The following DNAI1 variants were observed in gnomAD, a reference collection of about 807,000 sequenced individuals.
DNAI1 encodes the protein dynein axonemal intermediate chain 1.
In DNAI1, 67 loss-of-function variants were observed where a neutral mutation model predicts 92.0. The ratio of observed to expected loss-of-function variants is 0.73; its 90% CI spans 0.60 to 0.89. The LOEUF is 0.89. Ranked by LOEUF, DNAI1 falls within the 40% of genes least tolerant of loss-of-function variation. DNAI1 has a pLI of 0.00. For synonymous variants in DNAI1, 323 were observed against 319.6 expected (o/e 1.01, Z -0.11); for missense variants, 839 against 866.6 (o/e 0.97, Z 0.40).
chr9:34,513,217 TAGA>T (rs1300176173), intron 16 of DNAI1, 26 bp downstream of exon 16: 13 of 1,592,258 alleles, frequency 8.2e-6, no homozygotes, highest in African/African-American at 1.3e-5. Context: ...GCCAGCTCCT[TAGA>T]AGGCCGCTTA....
At chr9:34,506,409 T>C (rs1394163190) in intron 12 of DNAI1, among the ~76,000 whole-genome samples, 1 of 152,188 alleles carries the variant, frequency 6.6e-6, no homozygotes, top group African/African-American at 2.4e-5. Flanking sequence ...GTCACCTTGA[T>C]TGGTTGTTGG....
intron 10 of DNAI1, among the ~76,000 whole-genome samples, chr9:34,498,411 A>G (rs533365496): frequency 6.6e-6 from 1 of 152,366 alleles, no homozygotes; most frequent in South Asian, 2.1e-4. Flanking sequence ...ACTCGAACAC[A>G]GGCCCCTTGG....
intron 15 of DNAI1, among the ~76,000 whole-genome samples, chr9:34,512,754 T>C (rs1825091591): frequency 6.6e-6 from 1 of 152,244 alleles, no homozygotes; most frequent in South Asian, 2.1e-4. Context: ...CTACCCTGTT[T>C]ATGCAGACTA....
chr9:34,485,543 G>T (rs558874385), intron 4 of DNAI1, 26 bp downstream of exon 4: 2 of 1,607,016 alleles, frequency 1.2e-6, no homozygotes, highest in East Asian at 4.5e-5. Flanking sequence ...CTGGGCAGGG[G>T]CATCTATACC....
intron 13 of DNAI1, among the ~76,000 whole-genome samples, chr9:34,509,595 G>A (rs1286597460): frequency 6.6e-6 from 1 of 152,088 alleles, no homozygotes; most frequent in East Asian, 1.9e-4. Flanking sequence ...AGAGTTTGGG[G>A]CAGAGGAGTA....
At chr9:34,477,171 A>G (rs1404986709) in intron 1 of DNAI1, among the ~76,000 whole-genome samples, 1 of 152,086 alleles carries the variant, frequency 6.6e-6, no homozygotes, top group Non-Finnish European at 1.5e-5. Context: ...ACACACCACC[A>G]CACCCAACTA....
intron 10 of DNAI1, among the ~76,000 whole-genome samples, chr9:34,498,686 G>A (rs1202057968): frequency 6.6e-6 from 1 of 152,176 alleles, no homozygotes; most frequent in African/African-American, 2.4e-5. Context: ...TTTATTTGGA[G>A]CAGCTGCCTT....
At chr9:34,464,528 C>T (rs1207453438) in intron 1 of DNAI1, among the ~76,000 whole-genome samples, 1 of 152,064 alleles carries the variant, frequency 6.6e-6, no homozygotes, top group Non-Finnish European at 1.5e-5. Context: ...CCAATGCCCC[C>T]TGCCCCGTTA....
At chr9:34,511,773 C>T (rs906733005) in intron 13 of DNAI1, among the ~76,000 whole-genome samples, 3 of 152,082 alleles carry the variant, frequency 2.0e-5, no homozygotes, top group Admixed American at 1.3e-4. Context: ...TGGTTGAAGC[C>T]GTAGCCACTG....
intron 12 of DNAI1, among the ~76,000 whole-genome samples, chr9:34,502,656 CAGA>C (rs1490778500): frequency 2.0e-5 from 3 of 152,144 alleles, no homozygotes; most frequent in East Asian, 1.9e-4. Context: ...CTCCCACCAG[CAGA>C]AGACCTTGAG....
intron 14 of DNAI1, 31 bp from the exon 15 acceptor site, chr9:34,512,306 C>G (rs1348640761): frequency 1.9e-6 from 3 of 1,608,628 alleles, no homozygotes; most frequent in Non-Finnish European, 2.6e-6. Flanking sequence ...CACGTGCCCT[C>G]CCCCCCACAT....
intron 7 of DNAI1, 120 bp downstream of exon 7, chr9:34,490,608 C>G (rs1824570186): frequency 2.9e-6 from 4 of 1,384,976 alleles, no homozygotes; most frequent in Non-Finnish European, 4.1e-6. Flanking sequence ...ACAACAGATG[C>G]TACAGCTTAT....
At chr9:34,469,860 G>A (rs10972130) in intron 1 of DNAI1, among the ~76,000 whole-genome samples, 23,670 of 152,166 alleles carry the variant, frequency 0.16, 2,354 homozygotes, top group East Asian at 0.37. Flanking sequence ...GATTACAGGC[G>A]TGAGCCACTG....
intron 1 of DNAI1, among the ~76,000 whole-genome samples, chr9:34,482,799 C>T (rs548335306): frequency 1.3e-3 from 198 of 152,368 alleles, no homozygotes; most frequent in African/African-American, 4.4e-3. Context: ...TGGGACTGGG[C>T]GCCGTGGAGC....
At chr9:34,501,348 G>A (rs548988037) in intron 12 of DNAI1, among the ~76,000 whole-genome samples, 167 bp downstream of exon 12, 2 of 152,378 alleles carry the variant, frequency 1.3e-5, no homozygotes, top group South Asian at 2.1e-4. Context: ...TTAGTGCTGG[G>A]TGAAGGAATA....
rs989782252 is a variant in DNAI1, at chr9:34,517,190, T to C, written c.1819-95T>C. 4.3e-6 allele frequency: 6 copies of C among 1,388,116 alleles called. No homozygotes were observed. The African/African-American group carries it at 8.6e-5, about 20-fold the overall frequency. The allele number at this position is 1,388,116 out of a possible 1,614,324, so 86.0% of individuals were successfully genotyped here. A position where few individuals can be genotyped will look rare whatever the true frequency, so the allele number is the denominator to read the frequency against. On this transcript the variant is annotated intron_variant, in intron 18 of 19. Coordinates refer to ENST00000242317, the MANE Select transcript of DNAI1 (RefSeq NM_012144.4). ...TCCAGTGTGCTAGCCATTAGCCTTCTACAGTCTTTCCCCAGGAAGTCCAGG... is the reference window on the plus strand; with the variant it reads ...TCCAGTGTGCTAGCCATTAGCCTTCCACAGTCTTTCCCCAGGAAGTCCAGG...
intron 12 of DNAI1, among the ~76,000 whole-genome samples, chr9:34,504,731 G>A (rs528504372): frequency 1.3e-5 from 2 of 152,218 alleles, no homozygotes; most frequent in African/African-American, 2.4e-5. Flanking sequence ...AGCCCAGCTC[G>A]GCACCATGGC....
At chr9:34,484,343 G>A (rs1564031204) in intron 2 of DNAI1, among the ~76,000 whole-genome samples, 1 of 151,992 alleles carries the variant, frequency 6.6e-6, no homozygotes, top group African/African-American at 2.4e-5. Flanking sequence ...TACAAATTTG[G>A]GTAAAAGAGT....
chr9:34,483,923 C>T (rs1824422641), intron 2 of DNAI1, among the ~76,000 whole-genome samples: 2 of 152,136 alleles, frequency 1.3e-5, no homozygotes, highest in South Asian at 4.1e-4. Flanking sequence ...CATTTAAATG[C>T]TTCCTTTTTT....
Sources: allele counts gnomAD v4.1 joint callset (sites outside exome capture counted in the v4.1 genomes callset), GRCh38; gene constraint gnomAD v4.1.1; transcripts MANE v1.5; gene names NCBI Gene and HGNC (gene_info 2026-07-23, HGNC 2026-07-21).